Variants in ZBTB49 observed in about 807,000 individuals in gnomAD.
The protein encoded by ZBTB49 is zinc finger and BTB domain-containing protein 49.
A neutral mutation model predicts 57.5 loss-of-function variants in ZBTB49; 43 were observed. That is an observed-to-expected ratio of 0.75 (90% CI 0.59 to 0.97). The LOEUF is 0.97. Among genes scored for constraint, ZBTB49 ranks in the 50% least tolerant of loss-of-function variants. The pLI is 0.00. For synonymous variants in ZBTB49, 369 were observed against 362.1 expected (o/e 1.02, Z -0.22); for missense variants, 938 against 947.7 (o/e 0.99, Z 0.13).
chr4:4,306,580 A>G (rs1201193142), intron 4 of ZBTB49, among the ~76,000 whole-genome samples: 2 of 152,156 alleles, frequency 1.3e-5, no homozygotes, highest in African/African-American at 4.8e-5. Context: ...AGGATGTTGG[A>G]AAAAAAGATG....
rs1433652511 is a variant in ZBTB49, at chr4:4,294,479, C to G, written c.-20+4127C>G. 2.6e-5 allele frequency among the ~76,000 whole-genome samples: 4 copies of G among 152,186 alleles called. No individual in the cohort carries two copies. In the East Asian group the frequency reaches 7.7e-4, roughly 29 times the overall value. ...TCAAGCGATTCTCCTGCCTCAGCCT[C>G]CAGAGTAGCTGGTATTATAGGCATG... On this transcript the variant is annotated intron_variant, in intron 1 of 7. Transcript: ENST00000337872.
chr4:4,295,881 A>C (rs1410271450), intron 1 of ZBTB49, among the ~76,000 whole-genome samples: 1 of 152,214 alleles, frequency 6.6e-6, no homozygotes, highest in Non-Finnish European at 1.5e-5. Flanking sequence ...GGGGGATGAA[A>C]TTTAGAGATT....
intron 3 of ZBTB49, among the ~76,000 whole-genome samples, chr4:4,303,754 C>G (rs2980172): frequency 0.028 from 1,903 of 67,838 alleles, 47 homozygotes; most frequent in African/African-American, 0.075. Context: ...CTCTCTCTCT[C>G]TCTCTCTGTG....
chr4:4,318,023 C>T (rs2980183), intron 7 of ZBTB49, among the ~76,000 whole-genome samples: 63,707 of 152,094 alleles, frequency 0.42, 13,475 homozygotes, highest in East Asian at 0.47. Context: ...AGCCCTCAGG[C>T]CTGTATTCAG....
rs773123945 is a variant in ZBTB49 at position 4,321,065 on chromosome 4, C to G, written c.2047C>G (p.Gln683Glu). ...TGGTAAACTTGCCAAGCCCCAGATG[C>G]AGCAGACACAGCCTCAGGCCTATGC... ...DPGKLAKPQM[Q>E]QTQPQAYAYS... The change falls in exon 8 of 8, where the codon CAG becomes GAG. Residue 683 changes from glutamine to glutamate, a missense_variant. Transcript: ENST00000337872. 2 of 1,614,196 alleles carry G rather than the reference C, an allele frequency of 1.2e-6. No individual in the cohort carries two copies. Among genetic ancestry groups the G allele is most frequent in the Non-Finnish European group, 1.7e-6 (2 of 1,180,044 alleles).
chr4:4,303,194 T>A, intron 3 of ZBTB49, 103 bp downstream of exon 3: 5 of 1,344,332 alleles, frequency 3.7e-6, no homozygotes, highest in Non-Finnish European at 4.9e-6. Flanking sequence ...TGTTGTTTGA[T>A]GTCATTGATG....
chr4:4,311,575 C>T (rs1165770508), intron 4 of ZBTB49, among the ~76,000 whole-genome samples: 1 of 152,114 alleles, frequency 6.6e-6, no homozygotes. Flanking sequence ...AATTTCTGGC[C>T]CCACCATGTA....
At chr4:4,312,349 A>C (rs2108893107) in intron 4 of ZBTB49, among the ~76,000 whole-genome samples, 1 of 152,310 alleles carries the variant, frequency 6.6e-6, no homozygotes, top group Non-Finnish European at 1.5e-5. Flanking sequence ...ACTTTAGGTA[A>C]TTTAATATTG....
chr4:4,315,029 C>G (rs1721127858), intron 5 of ZBTB49, among the ~76,000 whole-genome samples: 1 of 152,220 alleles, frequency 6.6e-6, no homozygotes, highest in Non-Finnish European at 1.5e-5. Context: ...TGTTGTGGCT[C>G]AGAAAGAGGA....
intron 1 of ZBTB49, among the ~76,000 whole-genome samples, chr4:4,295,652 G>A (rs4287950): frequency 0.069 from 10,442 of 152,154 alleles, 909 homozygotes; most frequent in East Asian, 0.32. Context: ...AGTGTTCGCC[G>A]CCTACCATCG....
chr4:4,294,872 C>CGTGTGTAT (rs1720114875), intron 1 of ZBTB49, among the ~76,000 whole-genome samples: 1 of 138,010 alleles, frequency 7.2e-6, no homozygotes. Context: ...AGGAGGGTTT[C>CGTGTGTAT]GTGTGTGTGT....
intron 7 of ZBTB49, among the ~76,000 whole-genome samples, chr4:4,318,257 G>T (rs886265001): frequency 1.3e-5 from 2 of 152,208 alleles, no homozygotes; most frequent in Non-Finnish European, 2.9e-5. Context: ...GCTAAAAGTG[G>T]TTGTCCCATC....
chr4:4,301,954 T>A, intron 2 of ZBTB49, 35 bp from the exon 3 acceptor site: 1 of 1,427,848 alleles, frequency 7.0e-7, no homozygotes, highest in Non-Finnish European at 9.2e-7. Context: ...GTGTGAATTT[T>A]TGGCACTGTA....
At chr4:4,317,830 G>A (rs535753135) in intron 7 of ZBTB49, among the ~76,000 whole-genome samples, 3 of 152,182 alleles carry the variant, frequency 2.0e-5, no homozygotes, top group South Asian at 2.1e-4. Flanking sequence ...ATTTCACTGC[G>A]CTTTCCGAGA....
intron 3 of ZBTB49, among the ~76,000 whole-genome samples, chr4:4,303,770 G>GTC (rs1553805047): frequency 3.9e-4 from 10 of 25,332 alleles, no homozygotes; most frequent in East Asian, 1.1e-3. Flanking sequence ...CTGTGTGTGT[G>GTC]TCTCTCTCTC....
chr4:4,317,353 A>G (rs1721232199), intron 7 of ZBTB49, among the ~76,000 whole-genome samples: 3 of 152,310 alleles, frequency 2.0e-5, no homozygotes, highest in South Asian at 2.1e-4. Flanking sequence ...CCCATACCAT[A>G]AAATTTACCA....
rs1198136611 is a variant in ZBTB49 at position 4,315,563 on chromosome 4, C to T, written c.1377-73C>T. The T allele has an allele frequency of 2.7e-6, 4 of 1,455,848 alleles. No individual in the cohort carries two copies. In the African/African-American group the frequency reaches 4.2e-5, roughly 15 times the overall value. 90.2% of individuals were successfully genotyped at this position (1,455,848 alleles called of 1,614,324 possible). On this transcript the variant is annotated intron_variant, in intron 5 of 7. Coordinates refer to ENST00000337872, the MANE Select transcript of ZBTB49 (RefSeq NM_145291.4). ...TGTCAGGAGCAGGTATCTCCTCCCTCAGAGAGTTGCAGTTATAAAGACCCA... is the reference window on the plus strand; with the variant it reads ...TGTCAGGAGCAGGTATCTCCTCCCTTAGAGAGTTGCAGTTATAAAGACCCA...
chr4:4,293,229 A>G (rs1179782270), intron 1 of ZBTB49, among the ~76,000 whole-genome samples: 1 of 152,142 alleles, frequency 6.6e-6, no homozygotes, highest in Non-Finnish European at 1.5e-5. Context: ...ACCACAGAAA[A>G]TTTTTACTGC....
chr4:4,291,744 C>T (rs967615784), intron 1 of ZBTB49, among the ~76,000 whole-genome samples: 1 of 152,182 alleles, frequency 6.6e-6, no homozygotes, highest in Non-Finnish European at 1.5e-5. Flanking sequence ...TTTAGTCTGG[C>T]AAACTTAACT....
Sources: gnomAD v4.1 joint callset for allele counts (sites outside exome capture counted in the v4.1 genomes callset) on GRCh38, gnomAD v4.1.1 for gene constraint, MANE v1.5 for transcripts, NCBI Gene and HGNC (gene_info 2026-07-23, HGNC 2026-07-21) for gene names.